The following CCDC85A variants were observed in gnomAD, a reference collection of about 807,000 sequenced individuals.
The protein encoded by CCDC85A is coiled-coil domain-containing protein 85A.
A neutral mutation model predicts 50.2 loss-of-function variants in CCDC85A; 38 were observed. The ratio of observed to expected loss-of-function variants is 0.76; its 90% CI spans 0.58 to 0.99. The LOEUF (loss-of-function observed/expected upper bound fraction) is 0.99. Among genes scored for constraint, CCDC85A ranks in the 50% least tolerant of loss-of-function variants. The pLI is 0.00. For missense variants in CCDC85A, 820 were observed against 742.0 expected (o/e 1.11, Z -1.22); for synonymous variants, 366 against 301.4 (o/e 1.21, Z -2.22).
At chr2:56,187,145 T>C (rs912920220) in intron 1 of CCDC85A, among the ~76,000 whole-genome samples, 1 of 152,184 alleles carries the variant, frequency 6.6e-6, no homozygotes, top group Admixed American at 6.5e-5. Context: ...ATTGAATAAA[T>C]GATGGGTACA....
At chr2:56,339,250 T>A (rs1674236179) in intron 2 of CCDC85A, among the ~76,000 whole-genome samples, 1 of 152,206 alleles carries the variant, frequency 6.6e-6, no homozygotes, top group South Asian at 2.1e-4. Context: ...TTTTTTTTCA[T>A]TATTTCACCT....
intron 2 of CCDC85A, among the ~76,000 whole-genome samples, chr2:56,318,956 C>T (rs192905550): frequency 2.8e-4 from 42 of 152,172 alleles, no homozygotes; most frequent in African/African-American, 8.7e-4. Flanking sequence ...CTGTGGGCTG[C>T]TATAGGTAGA....
At chr2:56,325,300 T>C (rs182802957) in intron 2 of CCDC85A, among the ~76,000 whole-genome samples, 1 of 152,190 alleles carries the variant, frequency 6.6e-6, no homozygotes, top group Non-Finnish European at 1.5e-5. Flanking sequence ...TTGAAGATAA[T>C]AGTTACTTTA....
chr2:56,378,421 T>A (rs570351007), intron 5 of CCDC85A, among the ~76,000 whole-genome samples: 33 of 152,344 alleles, frequency 2.2e-4, no homozygotes, highest in Admixed American at 5.9e-4. Context: ...TAGTAAAAAT[T>A]AACTGATTTG....
intron 2 of CCDC85A, among the ~76,000 whole-genome samples, chr2:56,252,946 G>A (rs375374660): frequency 1.4e-4 from 21 of 152,230 alleles, no homozygotes; most frequent in African/African-American, 5.1e-4. Flanking sequence ...TTGAACTGGG[G>A]AGGCGGAGGT....
intron 3 of CCDC85A, among the ~76,000 whole-genome samples, chr2:56,344,087 A>G (rs1674510798): frequency 6.6e-6 from 1 of 152,160 alleles, no homozygotes; most frequent in African/African-American, 2.4e-5. Flanking sequence ...CCCCTTTTCA[A>G]GGGGAATACA....
chr2:56,218,541 T>C (rs1040041317), intron 2 of CCDC85A, among the ~76,000 whole-genome samples: 3 of 151,898 alleles, frequency 2.0e-5, no homozygotes, highest in African/African-American at 7.2e-5. Flanking sequence ...TGTTTTGTAG[T>C]CTACTTTTAA....
At chr2:56,203,368 T>G (rs540193896) in intron 2 of CCDC85A, among the ~76,000 whole-genome samples, 12 of 152,098 alleles carry the variant, frequency 7.9e-5, no homozygotes, top group South Asian at 6.2e-4. Flanking sequence ...AAATTGTGTT[T>G]TTTTTTTTTC....
intron 2 of CCDC85A, among the ~76,000 whole-genome samples, chr2:56,195,327 A>G (rs1676481663): frequency 6.6e-6 from 1 of 152,220 alleles, no homozygotes; most frequent in African/African-American, 2.4e-5. Context: ...CTGGATACAG[A>G]GAAACTTAGT....
intron 2 of CCDC85A, among the ~76,000 whole-genome samples, chr2:56,253,451 A>G (rs1279719290): frequency 1.3e-5 from 2 of 152,162 alleles, no homozygotes; most frequent in South Asian, 4.1e-4. Context: ...TGGAAAGAGA[A>G]GGGCTCCTAG....
At chr2:56,347,524 T>C (rs893354999) in intron 3 of CCDC85A, among the ~76,000 whole-genome samples, 5 of 152,362 alleles carry the variant, frequency 3.3e-5, no homozygotes, top group Admixed American at 6.5e-5. Flanking sequence ...TGTTCAGTTT[T>C]TCTTAACGCC....
chr2:56,320,411 A>G (rs1222604888), intron 2 of CCDC85A, among the ~76,000 whole-genome samples: 2 of 152,166 alleles, frequency 1.3e-5, no homozygotes, highest in Non-Finnish European at 2.9e-5. Context: ...ATAAAGAAGA[A>G]AAGAGAGAAG....
rs1481308307 is a variant in CCDC85A at position 56,184,903 on chromosome 2, G to A, written c.276+3G>A. Reference sequence around the variant, plus strand: ...TCGGCGAGATCCGCGGCCTCAAGGTGAGCGCGGGCCAGGTGGGGAGGCGCG... The same window carrying A: ...TCGGCGAGATCCGCGGCCTCAAGGTAAGCGCGGGCCAGGTGGGGAGGCGCG... On this transcript the variant is annotated splice_donor_region_variant and intron_variant, in intron 1 of 5. Coordinates refer to ENST00000407595, the MANE Select transcript of CCDC85A (RefSeq NM_001080433.2). 6.6e-7 allele frequency: 1 copy of A among 1,505,462 alleles called. No homozygotes were observed. The highest frequency in any genetic ancestry group is 2.1e-5 in the Admixed American group (1 of 48,534). The allele number at this position is 1,505,462 out of a possible 1,614,324, so 93.3% of individuals were successfully genotyped here.
At chr2:56,378,358 A>G (rs995001524) in intron 5 of CCDC85A, among the ~76,000 whole-genome samples, 2 of 152,196 alleles carry the variant, frequency 1.3e-5, no homozygotes, top group Non-Finnish European at 1.5e-5. Context: ...ATGACACTAT[A>G]TTCTTCTTGT....
intron 2 of CCDC85A, among the ~76,000 whole-genome samples, chr2:56,271,269 G>A (rs574591230): frequency 3.0e-4 from 46 of 152,290 alleles, no homozygotes; most frequent in African/African-American, 1.0e-3. Context: ...AATTGCCAGC[G>A]AACAGAGCAC....
intron 2 of CCDC85A, among the ~76,000 whole-genome samples, chr2:56,220,622 G>A (rs892552963): frequency 2.0e-5 from 3 of 152,020 alleles, no homozygotes; most frequent in Admixed American, 6.6e-5. Context: ...ACATTTCTGA[G>A]AAAGGAAGCT....
At chr2:56,315,544 T>A (rs1573237610) in intron 2 of CCDC85A, among the ~76,000 whole-genome samples, 1 of 152,150 alleles carries the variant, frequency 6.6e-6, no homozygotes, top group African/African-American at 2.4e-5. Flanking sequence ...TGCATGTAAC[T>A]GAGTAGGTAA....
At chr2:56,273,158 G>A (rs997405935) in intron 2 of CCDC85A, among the ~76,000 whole-genome samples, 1 of 152,060 alleles carries the variant, frequency 6.6e-6, no homozygotes, top group Admixed American at 6.6e-5. Context: ...TAAACTAAAA[G>A]CAAAGATGTA....
intron 1 of CCDC85A, among the ~76,000 whole-genome samples, chr2:56,190,920 G>C (rs570934743): frequency 2.8e-4 from 42 of 152,118 alleles, no homozygotes; most frequent in Non-Finnish European, 5.6e-4. Context: ...TCTATCCTCA[G>C]CTCCCTAACA....
Sources: allele counts gnomAD v4.1 joint callset (sites outside exome capture counted in the v4.1 genomes callset), GRCh38; gene constraint gnomAD v4.1.1; transcripts MANE v1.5; gene names NCBI Gene and HGNC (gene_info 2026-07-23, HGNC 2026-07-21).